OPRM1: variants seen among roughly 807,000 people sequenced by gnomAD.
OPRM1 encodes the protein mu-type opioid receptor.
A neutral mutation model predicts 31.8 loss-of-function variants in OPRM1; 27 were observed. That is an observed-to-expected ratio of 0.85 (90% CI 0.63 to 1.17). OPRM1 has a LOEUF of 1.17. Ranked by LOEUF, OPRM1 falls within the 50% of genes most tolerant of loss-of-function variation. OPRM1 has a pLI of 0.00. For missense variants in OPRM1, 536 were observed against 511.1 expected, an observed-to-expected ratio of 1.05 and a Z score of -0.47; for synonymous variants, 196 against 189.9, an observed-to-expected ratio of 1.03 and a Z score of -0.26.
At chr6:154,158,775 AC>A (rs1798813468) in intron 3 of OPRM1, 1 of 152,242 alleles carries the variant, frequency 6.6e-6, no homozygotes, top group Admixed American at 6.5e-5. Flanking sequence ...CATCTTTTAA[AC>A]ACTAGTAATT....
rs1265380812 is a variant in OPRM1 at position 154,197,120 on chromosome 6, A to T, written c.1165-49573A>T. 2.0e-5 allele frequency among the ~76,000 whole-genome samples: 3 copies of T among 152,208 alleles called. No homozygotes were observed. In the East Asian group the frequency reaches 5.8e-4, roughly 29 times the overall value. On this transcript the variant is annotated intron_variant, in intron 3 of 3. Coordinates refer to the OPRM1 transcript ENST00000337049. Reference sequence around the variant, plus strand: ...TTTTAAAATCCTAGCTCTCATTTTGAACCATGTTAAGATTTCTATCCCTGA... The same window carrying T: ...TTTTAAAATCCTAGCTCTCATTTTGTACCATGTTAAGATTTCTATCCCTGA...
chr6:154,073,820 T>C (rs1340953207), intron 1 of OPRM1: 1 of 152,166 alleles, frequency 6.6e-6, no homozygotes, highest in African/African-American at 2.4e-5. Context: ...CTGGCCAGCA[T>C]GGCAAAAACT....
rs1345454288 is a variant in OPRM1 at position 154,131,289 on chromosome 6, G to A, written c.*12568G>A. Among the ~76,000 whole-genome samples, 4 of 152,166 alleles carry A rather than the reference G, an allele frequency of 2.6e-5. No homozygotes were observed. Among genetic ancestry groups the A allele is most frequent in the African/African-American group, 9.7e-5 (4 of 41,434 alleles). ...GAGTAAATGAGAGCCTCTCATGGTT[G>A]ATTAAGTTCAGACATTTTAAACAGA... On this transcript the variant is annotated 3_prime_UTR_variant, in exon 4 of 4. Coordinates refer to ENST00000330432, the MANE Select transcript of OPRM1 (RefSeq NM_000914.5).
intron 3 of OPRM1, among the ~76,000 whole-genome samples, chr6:154,116,010 C>T (rs1341023141): frequency 6.6e-6 from 1 of 152,140 alleles, no homozygotes; most frequent in Non-Finnish European, 1.5e-5. Flanking sequence ...TTTTGGATTG[C>T]AGAGACCTTA....
At chr6:154,152,006 C>G (rs1374742193) in intron 3 of OPRM1, among the ~76,000 whole-genome samples, 1 of 151,752 alleles carries the variant, frequency 6.6e-6, no homozygotes, top group East Asian at 1.9e-4. Flanking sequence ...GAAACCCTGT[C>G]TCTACTAAAA....
At chr6:154,013,633 C>T (rs1777847635) in intron 1 of OPRM1, among the ~76,000 whole-genome samples, 1 of 152,054 alleles carries the variant, frequency 6.6e-6, no homozygotes, top group Non-Finnish European at 1.5e-5. Context: ...TTTACTATTG[C>T]CACAAAATTG....
chr6:154,114,992 T>C (rs1358763447), intron 3 of OPRM1, among the ~76,000 whole-genome samples: 1 of 152,168 alleles, frequency 6.6e-6, no homozygotes, highest in Non-Finnish European at 1.5e-5. Flanking sequence ...ATCTCTCTTG[T>C]ACATCATGAA....
chr6:154,246,806 G>T, exon 4 of OPRM1: 1 of 1,591,162 alleles, frequency 6.3e-7, no homozygotes, highest in Non-Finnish European at 8.6e-7. Flanking sequence ...ACCCTGATTT[G>T]GTAGGTAAAG....
At chr6:154,083,129 G>C (rs1789554093) in intron 1 of OPRM1, among the ~76,000 whole-genome samples, 1 of 152,176 alleles carries the variant, frequency 6.6e-6, no homozygotes, top group African/African-American at 2.4e-5. Flanking sequence ...AGGTCTCTTG[G>C]CTATAATGGA....
intron 3 of OPRM1, among the ~76,000 whole-genome samples, chr6:154,174,542 C>G (rs764727384): frequency 7.9e-5 from 12 of 152,050 alleles, no homozygotes; most frequent in Non-Finnish European, 1.8e-4. Context: ...ATAAAACAGA[C>G]TTTAAACCAA....
At chr6:154,144,614 G>C (rs547365457) in intron 3 of OPRM1, among the ~76,000 whole-genome samples, 1 of 151,938 alleles carries the variant, frequency 6.6e-6, no homozygotes, top group South Asian at 2.1e-4. Context: ...TGGGTGTGGT[G>C]GTGGGTGCCT....
chr6:154,107,930 T>G (rs1252281994), intron 3 of OPRM1: 3 of 644,684 alleles, frequency 4.7e-6, no homozygotes, highest in Non-Finnish European at 8.3e-6. Flanking sequence ...ATCAAAACTT[T>G]ACAGAGGAGA....
intron 1 of OPRM1, among the ~76,000 whole-genome samples, chr6:154,071,708 A>C (rs1287702390): frequency 6.6e-6 from 1 of 152,214 alleles, no homozygotes; most frequent in Non-Finnish European, 1.5e-5. Context: ...CTGATGAATG[A>C]GCATCAGTAA....
chr6:154,116,429 A>G (rs1428823292), intron 3 of OPRM1, among the ~76,000 whole-genome samples: 2 of 152,082 alleles, frequency 1.3e-5, no homozygotes, highest in African/African-American at 4.8e-5. Flanking sequence ...TACTAAAAGT[A>G]CAAAAATTAG....
At chr6:154,018,229 G>C (rs1778126329) in intron 1 of OPRM1, among the ~76,000 whole-genome samples, 1 of 152,038 alleles carries the variant, frequency 6.6e-6, no homozygotes, top group Admixed American at 6.6e-5. Context: ...GACCAGCCTG[G>C]CCAACATGGT....
chr6:154,241,105 G>A (rs1437074853), intron 3 of OPRM1, among the ~76,000 whole-genome samples: 2 of 151,874 alleles, frequency 1.3e-5, no homozygotes, highest in South Asian at 2.1e-4. Context: ...GCGTGGTGGT[G>A]CACGCCTGTA....
At chr6:154,178,670 T>C (rs1800567296) in intron 3 of OPRM1, among the ~76,000 whole-genome samples, 1 of 152,202 alleles carries the variant, frequency 6.6e-6, no homozygotes, top group Non-Finnish European at 1.5e-5. Flanking sequence ...TAAAATTTCA[T>C]ATATTATGCT....
At chr6:154,102,067 G>A (rs2128504867) in intron 3 of OPRM1, among the ~76,000 whole-genome samples, 1 of 152,216 alleles carries the variant, frequency 6.6e-6, no homozygotes, top group African/African-American at 2.4e-5. Context: ...AGCCTCCTGA[G>A]TAGCTAAAAC....
chr6:154,068,541 C>T (rs1324824930), intron 1 of OPRM1, among the ~76,000 whole-genome samples: 1 of 152,134 alleles, frequency 6.6e-6, no homozygotes, highest in African/African-American at 2.4e-5. Flanking sequence ...GGACTCCCTT[C>T]TTTTTTATGG....
Sources: allele counts gnomAD v4.1 joint callset (sites outside exome capture counted in the v4.1 genomes callset), GRCh38; gene constraint gnomAD v4.1.1; transcripts MANE v1.5; gene names NCBI Gene and HGNC (gene_info 2026-07-23, HGNC 2026-07-21).